Variants in NELL2 observed in about 807,000 individuals in gnomAD.
NELL2 encodes the protein neural EGFL like 2, also known as protein kinase C-binding protein NELL2.
Under a neutral mutation model 109.6 loss-of-function variants are expected in NELL2, and 41 were observed. That is an observed-to-expected ratio of 0.37 (90% CI 0.29 to 0.49). The LOEUF (loss-of-function observed/expected upper bound fraction) is 0.49, where lower values mean the gene tolerates loss of function less well. NELL2 is among the 20% of genes least tolerant of loss of function. NELL2 has a pLI of 0.98. For missense variants in NELL2, 900 were observed against 1,008.3 expected, an observed-to-expected ratio of 0.89 and a Z score of 1.45; for synonymous variants, 355 against 344.7, an observed-to-expected ratio of 1.03 and a Z score of -0.33.
intron 9 of NELL2, among the ~76,000 whole-genome samples, chr12:44,724,634 T>A (rs987502630): frequency 6.6e-6 from 1 of 151,912 alleles, no homozygotes; most frequent in Non-Finnish European, 1.5e-5. Context: ...AAACATCCCA[T>A]GCTCACAGAC....
At chr12:44,632,422 C>T (rs1397394477) in intron 13 of NELL2, among the ~76,000 whole-genome samples, 1 of 152,008 alleles carries the variant, frequency 6.6e-6, no homozygotes, top group East Asian at 1.9e-4. Context: ...CAGACCTGGG[C>T]ACCAGTATTT....
chr12:44,912,046 G>C (rs573708719), intron 1 of NELL2, among the ~76,000 whole-genome samples: 5 of 151,814 alleles, frequency 3.3e-5, no homozygotes, highest in African/African-American at 4.8e-5. Context: ...TTGGAGCTCA[G>C]GTTGAAGGTC....
intron 15 of NELL2, among the ~76,000 whole-genome samples, chr12:44,592,654 G>C (rs1189825117): frequency 6.6e-6 from 1 of 152,140 alleles, no homozygotes; most frequent in East Asian, 1.9e-4. Flanking sequence ...TTTGTGCAGG[G>C]GTCAGTCTCT....
At chr12:44,815,930 A>G (rs1943330494) in intron 3 of NELL2, 56 bp downstream of exon 3, 9 of 1,541,154 alleles carry the variant, frequency 5.8e-6, no homozygotes, top group African/African-American at 1.4e-5. Context: ...TCTCTTTAAT[A>G]TATTCATTTA....
chr12:44,656,773 G>A (rs868369539), intron 13 of NELL2, among the ~76,000 whole-genome samples: 10 of 151,908 alleles, frequency 6.6e-5, no homozygotes, highest in African/African-American at 2.4e-4. Flanking sequence ...TAATTATTAT[G>A]GTACATGCAC....
At chr12:44,537,542 C>T (rs1318317155) in intron 15 of NELL2, among the ~76,000 whole-genome samples, 2 of 151,940 alleles carry the variant, frequency 1.3e-5, no homozygotes, top group Non-Finnish European at 2.9e-5. Context: ...AAAAATATGA[C>T]ATCATTTCTC....
chr12:44,701,940 A>G (rs932103539), intron 12 of NELL2, among the ~76,000 whole-genome samples: 1 of 152,064 alleles, frequency 6.6e-6, no homozygotes, highest in Non-Finnish European at 1.5e-5. Flanking sequence ...TAATTCTCCA[A>G]CAGGATTTCC....
At chr12:44,797,053 T>C (rs144063725) in intron 3 of NELL2, among the ~76,000 whole-genome samples, 29 of 152,088 alleles carry the variant, frequency 1.9e-4, no homozygotes, top group African/African-American at 6.0e-4. Flanking sequence ...TATGTGAATA[T>C]TAAGAACAGG....
chr12:44,519,517 A>G (rs1401972316), intron 19 of NELL2, among the ~76,000 whole-genome samples: 1 of 152,210 alleles, frequency 6.6e-6, no homozygotes, highest in African/African-American at 2.4e-5. Flanking sequence ...TTTCAACTCA[A>G]TGTAACTGAC....
intron 9 of NELL2, among the ~76,000 whole-genome samples, chr12:44,723,248 G>C (rs1938885740): frequency 6.6e-6 from 1 of 151,930 alleles, no homozygotes; most frequent in South Asian, 2.1e-4. Context: ...AAATTCTGAG[G>C]GTAGGACTTG....
chr12:44,854,943 A>G (rs893004853), intron 2 of NELL2, among the ~76,000 whole-genome samples: 1 of 152,206 alleles, frequency 6.6e-6, no homozygotes, highest in Non-Finnish European at 1.5e-5. Flanking sequence ...GATGAGTCAC[A>G]TAAGTAATTT....
At chr12:44,850,600 C>A (rs763676641) in intron 2 of NELL2, among the ~76,000 whole-genome samples, 7 of 152,008 alleles carry the variant, frequency 4.6e-5, no homozygotes, top group Admixed American at 3.9e-4. Context: ...ATTCTTTTTA[C>A]GTAAAAAGTT....
chr12:44,625,954 T>G (rs965053152), intron 13 of NELL2, among the ~76,000 whole-genome samples: 3 of 148,614 alleles, frequency 2.0e-5, no homozygotes, highest in Non-Finnish European at 4.4e-5. Context: ...AAAATGAAAC[T>G]CCAAAGGTAA....
intron 13 of NELL2, among the ~76,000 whole-genome samples, chr12:44,623,240 G>A (rs1292501930): frequency 3.9e-5 from 6 of 152,160 alleles, no homozygotes; most frequent in East Asian, 1.9e-4. Flanking sequence ...ATGTGGGTAC[G>A]TGTGTGAATA....
chr12:44,835,359 C>T (rs1000628281), intron 2 of NELL2, among the ~76,000 whole-genome samples: 2 of 152,180 alleles, frequency 1.3e-5, no homozygotes, highest in African/African-American at 4.8e-5. Context: ...TTTCACCAAA[C>T]CACAGCCTAA....
chr12:44,595,176 A>G (rs1288932345), intron 15 of NELL2, among the ~76,000 whole-genome samples: 1 of 152,240 alleles, frequency 6.6e-6, no homozygotes, highest in Non-Finnish European at 1.5e-5. Flanking sequence ...TTTTCCTCGA[A>G]TTAAACATTT....
intron 12 of NELL2, among the ~76,000 whole-genome samples, chr12:44,671,913 C>T (rs1374474855): frequency 6.6e-6 from 1 of 152,062 alleles, no homozygotes; most frequent in African/African-American, 2.4e-5. Context: ...TCCATGTGCA[C>T]AAAGATATGA....
At chr12:44,525,711 A>G (rs990462047) in intron 16 of NELL2, among the ~76,000 whole-genome samples, 2 of 152,216 alleles carry the variant, frequency 1.3e-5, no homozygotes, top group African/African-American at 4.8e-5. Flanking sequence ...TTGAAGAACT[A>G]ATGTTGCTAA....
intron 17 of NELL2, 36 bp from the exon 18 acceptor site, chr12:44,522,212 C>G: frequency 6.3e-7 from 1 of 1,597,844 alleles, no homozygotes; most frequent in African/African-American, 1.3e-5. Context: ...TACCAAAAAC[C>G]TCCATTTCTC....
Sources: allele counts gnomAD v4.1 joint callset (sites outside exome capture counted in the v4.1 genomes callset), GRCh38; gene constraint gnomAD v4.1.1; transcripts MANE v1.5; gene names NCBI Gene and HGNC (gene_info 2026-07-23, HGNC 2026-07-21).